The following LIPK variants were observed in gnomAD, a reference collection of about 807,000 sequenced individuals.
LIPK encodes lipase family member K.
In LIPK, 32 loss-of-function variants were observed where a neutral mutation model predicts 48.6. That is an observed-to-expected ratio of 0.66 (90% CI 0.50 to 0.88). The LOEUF (loss-of-function observed/expected upper bound fraction) is 0.88, where lower values mean the gene tolerates loss of function less well. LIPK is among the 40% of genes least tolerant of loss of function. LIPK has a pLI of 0.00. For missense variants in LIPK, 507 were observed against 478.5 expected, an observed-to-expected ratio of 1.06 and a Z score of -0.56; for synonymous variants, 164 against 157.4, an observed-to-expected ratio of 1.04 and a Z score of -0.32.
chr10:88,743,363 A>G (rs984476843), intron 9 of LIPK, 42 bp downstream of exon 9: 1 of 1,413,140 alleles, frequency 7.1e-7, no homozygotes, highest in African/African-American at 1.4e-5. Flanking sequence ...GCTGCAAATG[A>G]ACTAACAAAA....
At chr10:88,726,536 A>G (rs1035840401) in intron 2 of LIPK, among the ~76,000 whole-genome samples, 4 of 152,142 alleles carry the variant, frequency 2.6e-5, no homozygotes, top group African/African-American at 9.7e-5. Flanking sequence ...ACAAAAACAT[A>G]CAAAAAATGT....
chr10:88,730,761 A>G (rs1160416354), intron 3 of LIPK, among the ~76,000 whole-genome samples: 1 of 152,224 alleles, frequency 6.6e-6, no homozygotes, highest in Non-Finnish European at 1.5e-5. Flanking sequence ...CTTACATAAT[A>G]CAATACATTG....
intron 1 of LIPK, among the ~76,000 whole-genome samples, chr10:88,723,774 GT>G (rs919749379): frequency 2.8e-4 from 42 of 150,126 alleles, no homozygotes; most frequent in Non-Finnish European, 6.1e-4. Context: ...TGATGTTTAG[GT>G]TTTTTTTTTC....
intron 1 of LIPK, among the ~76,000 whole-genome samples, chr10:88,707,646 C>A (rs528549855): frequency 5.9e-5 from 9 of 152,094 alleles, no homozygotes; most frequent in African/African-American, 2.2e-4. Context: ...GGCCTCTTAA[C>A]CTATTTGAAA....
intron 1 of LIPK, among the ~76,000 whole-genome samples, chr10:88,711,783 T>C (rs1181648441): frequency 2.6e-5 from 4 of 152,170 alleles, no homozygotes; most frequent in African/African-American, 9.7e-5. Context: ...CCTATTTTTT[T>C]GATGATGTTT....
rs1176015397 is a variant in LIPK at position 88,737,637 on chromosome 10, G to T, written c.672G>T (p.Val224=). 1 of 1,613,376 alleles carries T rather than the reference G, an allele frequency of 6.2e-7. No individual in the cohort carries two copies. The highest frequency in any genetic ancestry group is 1.1e-5 in the South Asian group (1 of 90,962). The change falls in exon 7 of 10, where the codon GTG becomes GTT. Residue 224 remains valine, a splice_region_variant and synonymous_variant. Transcript: ENST00000404190. Reference sequence around the variant, plus strand: ...TGGTGTTTTAAATTATCTTGTAGGTGTTGTTTGGTGACAAAATGTTCCACC... The same window carrying T: ...TGGTGTTTTAAATTATCTTGTAGGTTTTGTTTGGTGACAAAATGTTCCACC... The part of the protein sequence containing the change: ...LTTLSRRVVK[V]LFGDKMFHPH...
chr10:88,741,661 A>C (rs146810575), intron 8 of LIPK, among the ~76,000 whole-genome samples: 131 of 152,306 alleles, frequency 8.6e-4, no homozygotes, highest in African/African-American at 3.0e-3. Context: ...TTACATAGGC[A>C]GCTAAGGCAA....
chr10:88,748,526 A>C (rs1842809086), intron 9 of LIPK, among the ~76,000 whole-genome samples: 1 of 151,984 alleles, frequency 6.6e-6, no homozygotes, highest in African/African-American at 2.4e-5. Flanking sequence ...CTAAGGCACC[A>C]GAATAGCTTA....
rs117219922 is a variant in LIPK at position 88,714,536 on chromosome 10, C to T, written c.-12+8216C>T. ...TGTGGATCTGTAATTTTTGTCCATG[C>T]ACGTGGAAATATTTTATAAAACAAA... On this transcript the variant is annotated intron_variant, in intron 1 of 9. Coordinates refer to ENST00000404190, the MANE Select transcript of LIPK (RefSeq NM_001080518.2). Among the ~76,000 whole-genome samples the T allele has an allele frequency of 4.9e-4, 75 of 152,222 alleles. 3 individuals carry two copies. In the East Asian group the frequency reaches 0.011, roughly 23 times the overall value.
chr10:88,731,623 C>T (rs975527316), intron 4 of LIPK, among the ~76,000 whole-genome samples: 1 of 152,194 alleles, frequency 6.6e-6, no homozygotes, highest in African/African-American at 2.4e-5. Context: ...GGCCTCGTTG[C>T]CTGCCTTCTT....
At chr10:88,745,596 C>T (rs1027262284) in intron 9 of LIPK, among the ~76,000 whole-genome samples, 9 of 152,166 alleles carry the variant, frequency 5.9e-5, no homozygotes, top group African/African-American at 2.2e-4. Flanking sequence ...AATTTATTAC[C>T]ACCAGACCTG....
rs1015116774 is a variant in LIPK, at chr10:88,732,464, A to G, written c.582A>G (p.Ile194Met). The change falls in exon 6 of 10, where the codon ATA (isoleucine) becomes ATG (methionine). Residue 194 changes from isoleucine (I) to methionine (M), a missense_variant. Physicochemically the swap from Ile to Met is conservative, Grantham distance 10. Coordinates refer to ENST00000404190, the MANE Select transcript of LIPK (RefSeq NM_001080518.2). ...CAGAACTGGCTAAAAAGATTAAGAT[A>G]TTTTTTGCACTGGCTCCAGTTGTCA... ...TNPELAKKIK[I>M]FFALAPVVTV... 12 of 1,613,570 alleles carry G rather than the reference A, an allele frequency of 7.4e-6. No individual in the cohort carries two copies. The Admixed American group carries it at 1.3e-4, about 18-fold the overall frequency.
chr10:88,713,523 A>G (rs1842061731), intron 1 of LIPK, among the ~76,000 whole-genome samples: 1 of 152,246 alleles, frequency 6.6e-6, no homozygotes, highest in African/African-American at 2.4e-5. Flanking sequence ...CAGCATAAGA[A>G]AAAACAATTG....
intron 7 of LIPK, among the ~76,000 whole-genome samples, chr10:88,738,733 C>G (rs755282992): frequency 3.9e-5 from 6 of 152,212 alleles, no homozygotes; most frequent in Admixed American, 6.5e-5. Context: ...AAAGACATCA[C>G]AAAATAACAC....
At position 88,737,783 on chromosome 10, in the gene LIPK, T is replaced by C; in HGVS notation, c.816+2T>C. 1 of 1,613,546 alleles carries C rather than the reference T, an allele frequency of 6.2e-7. No individual in the cohort carries two copies. Among genetic ancestry groups the C allele is most frequent in the African/African-American group, 1.3e-5 (1 of 75,036 alleles). ...TTTGATCCGCAAAACTTAAATATGG[T>C]AGGTGTAAGTAATTGGGTCTGGGAA... On this transcript the variant is annotated splice_donor_variant, in intron 7 of 9. Transcript: ENST00000404190. LOFTEE classifies it high-confidence loss of function.
In LIPK at chr10:88,751,719, C is replaced by T. The variant is rs146043426; in HGVS notation, c.961-798C>T. Among the ~76,000 whole-genome samples, 1,267 of 152,272 alleles carry T rather than the reference C, an allele frequency of 8.3e-3. 10 individuals are homozygous for T. Among genetic ancestry groups the T allele is most frequent in the Middle Eastern group, 0.024 (7 of 294 alleles). The stretch of plus-strand genomic sequence containing the variant: ...ACACACTGTTTCAGAATACGGTTGT[C>T]TCTTGTGAGGAAACAGTGGTGACTA... On this transcript the variant is annotated intron_variant, in intron 9 of 9. Coordinates refer to ENST00000404190, the MANE Select transcript of LIPK (RefSeq NM_001080518.2).
At chr10:88,722,299 A>G (rs1438307773) in intron 1 of LIPK, among the ~76,000 whole-genome samples, 2 of 152,110 alleles carry the variant, frequency 1.3e-5, no homozygotes, top group Non-Finnish European at 2.9e-5. Context: ...CCGTCTCAGG[A>G]AAAAAAAGAT....
chr10:88,712,034 A>C (rs1024362717), intron 1 of LIPK, among the ~76,000 whole-genome samples: 2 of 152,158 alleles, frequency 1.3e-5, no homozygotes, highest in African/African-American at 4.8e-5. Context: ...ATTGTTGAAA[A>C]TACTTTCTCA....
chr10:88,743,395 C>T, intron 9 of LIPK, 74 bp downstream of exon 9: 2 of 1,053,892 alleles, frequency 1.9e-6, no homozygotes, highest in South Asian at 2.8e-5. Flanking sequence ...TCATGAAGCA[C>T]CTGCCACTTC....
Sources: gnomAD v4.1 joint callset for allele counts (sites outside exome capture counted in the v4.1 genomes callset) on GRCh38, gnomAD v4.1.1 for gene constraint, MANE v1.5 for transcripts, NCBI Gene and HGNC (gene_info 2026-07-23, HGNC 2026-07-21) for gene names.